The following CPA6 variants were observed in gnomAD, a reference collection of about 807,000 sequenced individuals.
CPA6 encodes carboxypeptidase B.
Under a neutral mutation model 63.3 loss-of-function variants are expected in CPA6, and 58 were observed. The ratio of observed to expected loss-of-function variants is 0.92; its 90% CI spans 0.74 to 1.14. CPA6 has a LOEUF of 1.14. Among genes scored for constraint, CPA6 ranks in the 50% most tolerant of loss-of-function variants. The pLI is 0.00. For synonymous variants in CPA6, 185 were observed against 179.0 expected (o/e 1.03, Z -0.27); for missense variants, 565 against 526.6 (o/e 1.07, Z -0.71).
chr8:67,444,205 G>A (rs1810362037), intron 8 of CPA6, among the ~76,000 whole-genome samples: 1 of 151,816 alleles, frequency 6.6e-6, no homozygotes, highest in African/African-American at 2.4e-5. Context: ...AGCCAGCTTG[G>A]TCTCGATCTC....
intron 9 of CPA6, among the ~76,000 whole-genome samples, chr8:67,432,675 G>C (rs1238685453): frequency 6.6e-6 from 1 of 152,114 alleles, no homozygotes; most frequent in African/African-American, 2.4e-5. Flanking sequence ...TGTTGTGCAG[G>C]CTGGTCTCAA....
At chr8:67,537,237 T>C (rs1812604527) in intron 2 of CPA6, among the ~76,000 whole-genome samples, 1 of 152,220 alleles carries the variant, frequency 6.6e-6, no homozygotes. Context: ...AGTCTCTCTT[T>C]TTCTATTGTT....
intron 1 of CPA6, among the ~76,000 whole-genome samples, chr8:67,679,002 A>T (rs973126110): frequency 5.9e-5 from 9 of 152,200 alleles, no homozygotes; most frequent in Admixed American, 6.5e-5. Context: ...ATTCCGACAG[A>T]GGTAAAATTA....
chr8:67,563,969 T>C (rs1269012357), intron 2 of CPA6, among the ~76,000 whole-genome samples: 1 of 152,172 alleles, frequency 6.6e-6, no homozygotes, highest in East Asian at 1.9e-4. Context: ...TTCAAAGGTT[T>C]CAATATGGAA....
chr8:67,726,458 A>G (rs1009387671), intron 1 of CPA6, among the ~76,000 whole-genome samples: 1 of 152,200 alleles, frequency 6.6e-6, no homozygotes, highest in Non-Finnish European at 1.5e-5. Context: ...AGTTTTAAAA[A>G]GTAATTGATG....
At position 67,746,119 on chromosome 8, in the gene CPA6, A is replaced by G; in HGVS notation, c.11T>C (p.Leu4Pro). 1.2e-6 allele frequency: 2 copies of G among 1,613,232 alleles called. No individual in the cohort carries two copies. Among genetic ancestry groups the G allele is most frequent in the Non-Finnish European group, 1.7e-6 (2 of 1,179,598 alleles). MKC[L>P]GKRRGQAAAF... ...AGCTGCCTGGCCCCTGCGCTTCCCG[A>G]GACACTTCATAGTGTTAAGAAGAGA... The change falls in exon 1 of 11, where the codon CTC becomes CCC. Residue 4 changes from leucine to proline, a missense_variant. Transcript: ENST00000297770.
intron 2 of CPA6, among the ~76,000 whole-genome samples, chr8:67,570,512 C>T (rs192529833): frequency 8.9e-4 from 135 of 152,048 alleles, no homozygotes; most frequent in African/African-American, 3.0e-3. Context: ...AAATAAATTA[C>T]CAAGGGATAC....
intron 5 of CPA6, among the ~76,000 whole-genome samples, chr8:67,507,877 C>A (rs568749432): frequency 2.6e-5 from 4 of 152,026 alleles, no homozygotes; most frequent in African/African-American, 9.7e-5. Flanking sequence ...AGAATCTGAG[C>A]GCACCATATT....
intron 1 of CPA6, among the ~76,000 whole-genome samples, chr8:67,713,216 G>A (rs150822710): frequency 2.0e-4 from 29 of 148,682 alleles, no homozygotes; most frequent in African/African-American, 7.2e-4. Context: ...GAACAAGGGA[G>A]GACTACTGTA....
chr8:67,535,674 T>C (rs1040746615), intron 2 of CPA6, among the ~76,000 whole-genome samples: 4 of 152,224 alleles, frequency 2.6e-5, no homozygotes, highest in African/African-American at 9.6e-5. Flanking sequence ...ATTCTGATGA[T>C]AGTTTCTTTT....
At chr8:67,440,884 T>G (rs1395244736) in intron 8 of CPA6, among the ~76,000 whole-genome samples, 1 of 152,204 alleles carries the variant, frequency 6.6e-6, no homozygotes, top group Non-Finnish European at 1.5e-5. Context: ...TCCATTCTCT[T>G]CTTGTATGTT....
chr8:67,511,400 G>C (rs1812039500), intron 4 of CPA6, 141 bp downstream of exon 4: 1 of 608,422 alleles, frequency 1.6e-6, no homozygotes, highest in South Asian at 2.4e-5. Context: ...CCATGTAAAA[G>C]CTACATATAT....
chr8:67,701,835 A>C (rs907534042), intron 1 of CPA6, among the ~76,000 whole-genome samples: 1 of 152,200 alleles, frequency 6.6e-6, no homozygotes, highest in Non-Finnish European at 1.5e-5. Flanking sequence ...TAAAGAGCAG[A>C]ATGTTTTTAT....
At chr8:67,438,634 T>A (rs1011980956) in intron 8 of CPA6, among the ~76,000 whole-genome samples, 4 of 152,150 alleles carry the variant, frequency 2.6e-5, no homozygotes, top group African/African-American at 9.7e-5. Flanking sequence ...ATATCTCATA[T>A]CTACAGCGAT....
chr8:67,659,164 T>C (rs1264983244), intron 1 of CPA6, among the ~76,000 whole-genome samples: 3 of 152,212 alleles, frequency 2.0e-5, no homozygotes, highest in Admixed American at 6.5e-5. Flanking sequence ...CCCACTGCTC[T>C]CTTTATGCTC....
chr8:67,709,065 C>T (rs1157205331), intron 1 of CPA6, among the ~76,000 whole-genome samples: 3 of 152,162 alleles, frequency 2.0e-5, no homozygotes, highest in African/African-American at 4.8e-5. Context: ...CGCTAAGAGG[C>T]AAAATGGTAG....
chr8:67,609,608 T>C (rs1362339580), intron 2 of CPA6, among the ~76,000 whole-genome samples: 3 of 152,256 alleles, frequency 2.0e-5, no homozygotes, highest in Middle Eastern at 3.2e-3. Context: ...GAGATTTTGC[T>C]ATTCCAGAAA....
intron 1 of CPA6, among the ~76,000 whole-genome samples, chr8:67,677,414 T>C (rs1364717602): frequency 2.7e-5 from 4 of 150,836 alleles, no homozygotes; most frequent in African/African-American, 7.3e-5. Context: ...GAATTGGAAG[T>C]TGACTTCATT....
Position 67,670,124 on chromosome 8 carries a change from C to T in CPA6, c.117-45873G>A, listed in dbSNP as rs1393810373. Among the ~76,000 whole-genome samples, 6 of 152,162 alleles carry T rather than the reference C, an allele frequency of 3.9e-5. No individual in the cohort carries two copies. The East Asian group carries it at 9.6e-4, about 24-fold the overall frequency. ...TGTAGAATACATGCCTATTAGCACA[C>T]GTATTTGTCCATTGTCACACTGCTA... On this transcript the variant is annotated intron_variant, in intron 1 of 10. Coordinates refer to ENST00000297770, the MANE Select transcript of CPA6 (RefSeq NM_020361.5).
Sources: allele counts gnomAD v4.1 joint callset (sites outside exome capture counted in the v4.1 genomes callset), GRCh38; gene constraint gnomAD v4.1.1; transcripts MANE v1.5; gene names NCBI Gene and HGNC (gene_info 2026-07-23, HGNC 2026-07-21).